Variants in ARHGEF4 observed in about 807,000 individuals in gnomAD.
ARHGEF4 encodes APC-stimulated guanine nucleotide exchange factor 1.
A neutral mutation model predicts 162.0 loss-of-function variants in ARHGEF4; 119 were observed. That is an observed-to-expected ratio of 0.73 (90% confidence interval 0.63 to 0.86). ARHGEF4 has a LOEUF of 0.86. Among genes scored for constraint, ARHGEF4 ranks in the 40% least tolerant of loss-of-function variants. ARHGEF4 has a pLI of 0.00. For synonymous variants in ARHGEF4, 1,014 were observed against 979.9 expected, an observed-to-expected ratio of 1.03 and a Z score of -0.65; for missense variants, 2,488 against 2,456.0, an observed-to-expected ratio of 1.01 and a Z score of -0.28.
rs1442106275 is a variant in ARHGEF4 at position 130,977,699 on chromosome 2, CGT to C, written c.3985+31067_3985+31068del. Among the ~76,000 whole-genome samples, 4 of 151,290 alleles carry C rather than the reference CGT, an allele frequency of 2.6e-5. No individual in the cohort carries two copies. The East Asian group carries it at 7.8e-4, about 29-fold the overall frequency. ...GTGTGCGCTGTGTGCATTGTGCAAA[CGT>C]GTTTTTTTTGCATCTTGTGCGTGTG... is the stretch of plus-strand genomic sequence containing the variant. On this transcript the variant is annotated intron_variant, in intron 4 of 13. Coordinates refer to ENST00000409359, the MANE Select transcript of ARHGEF4 (RefSeq NM_001367493.1).
rs56325092 is a variant in ARHGEF4, at chr2:130,917,452, G to C, written c.3506G>C (p.Arg1169Pro). ...AGCAGGGAAGGAGGCCAGGGTCCGC[G>C]CGGCTTGGGCACAGTGCCCTGGCTC... ...EESREGGQGP[R>P]GLGTVPWLRD... The change falls in exon 2 of 14, where the codon CGC (arginine) becomes CCC (proline). Residue 1169 changes from arginine to proline, a missense_variant. Coordinates refer to ENST00000409359, the MANE Select transcript of ARHGEF4 (RefSeq NM_001367493.1). 1 of 1,550,570 alleles carries C rather than the reference G, an allele frequency of 6.4e-7. No individual in the cohort carries two copies. The highest frequency in any genetic ancestry group is 8.7e-7 in the Non-Finnish European group (1 of 1,147,002).
intron 4 of ARHGEF4, among the ~76,000 whole-genome samples, chr2:130,965,278 C>T (rs961146203): frequency 6.6e-6 from 1 of 152,176 alleles, no homozygotes; most frequent in Non-Finnish European, 1.5e-5. Context: ...GTTGAGAGCA[C>T]CTGGAATGAC....
intron 1 of ARHGEF4, among the ~76,000 whole-genome samples, chr2:130,889,850 G>T (rs1034229555): frequency 6.6e-6 from 1 of 150,720 alleles, no homozygotes; most frequent in African/African-American, 2.4e-5. Flanking sequence ...CTATTGAACG[G>T]TATTTTCACT....
chr2:131,022,829 T>A (rs1689221315), intron 4 of ARHGEF4, among the ~76,000 whole-genome samples: 1 of 151,800 alleles, frequency 6.6e-6, no homozygotes, highest in South Asian at 2.1e-4. Flanking sequence ...AAATTGAACA[T>A]TATAACAATT....
At chr2:130,841,370 G>C (rs1334282298) in intron 1 of ARHGEF4, among the ~76,000 whole-genome samples, 3 of 142,120 alleles carry the variant, frequency 2.1e-5, no homozygotes, top group Admixed American at 7.1e-5. Context: ...GGCCTAGAAA[G>C]CTTTTTTTTT....
At chr2:130,892,426 C>A (rs1473640343) in intron 1 of ARHGEF4, among the ~76,000 whole-genome samples, 2 of 152,178 alleles carry the variant, frequency 1.3e-5, no homozygotes, top group Admixed American at 1.3e-4. Flanking sequence ...CACTTCAGAC[C>A]CAATCACAAG....
chr2:130,954,463 G>A (rs1272399323), intron 4 of ARHGEF4, among the ~76,000 whole-genome samples: 1 of 152,188 alleles, frequency 6.6e-6, no homozygotes, highest in African/African-American at 2.4e-5. Context: ...ATGAGTTAAT[G>A]GGTGCAGCAC....
Position 131,038,433 on chromosome 2 carries a change from C to G in ARHGEF4, c.4126-420C>G, listed in dbSNP as rs981530900. Among the ~76,000 whole-genome samples the G allele has an allele frequency of 4.0e-5, 6 of 150,718 alleles. No individual in the cohort carries two copies. The South Asian group carries it at 1.3e-3, about 32-fold the overall frequency. ...CTCTCCCTCCTGCAGCCTTGCAGCG[C>G]CCAGCCTCTCCCTCCTGCAGCCTTG... is the stretch of plus-strand genomic sequence containing the variant. On this transcript the variant is annotated intron_variant, in intron 5 of 13. Transcript: ENST00000409359.
At chr2:130,876,540 C>T (rs571802011) in intron 1 of ARHGEF4, among the ~76,000 whole-genome samples, 10 of 152,074 alleles carry the variant, frequency 6.6e-5, no homozygotes, top group Non-Finnish European at 1.5e-4. Context: ...TACAGGGGCC[C>T]GCCAACATAC....
intron 4 of ARHGEF4, among the ~76,000 whole-genome samples, chr2:130,958,879 G>A (rs917925598): frequency 1.3e-5 from 2 of 151,872 alleles, no homozygotes; most frequent in Admixed American, 1.3e-4. Context: ...GGTCATTTCA[G>A]TGAGAGTCTT....
chr2:131,044,616 G>A (rs534699857), intron 12 of ARHGEF4, 74 bp downstream of exon 12: 5 of 1,509,122 alleles, frequency 3.3e-6, no homozygotes, highest in African/African-American at 1.4e-5. Context: ...CCGCCTGCCG[G>A]TCAGGAGAGC....
chr2:130,938,911 G>T (rs1683120252), intron 3 of ARHGEF4, among the ~76,000 whole-genome samples: 1 of 151,954 alleles, frequency 6.6e-6, no homozygotes, highest in South Asian at 2.1e-4. Context: ...TTAATTTTTT[G>T]ACTTTCATTT....
At chr2:131,026,371 T>G (rs1337703137) in intron 4 of ARHGEF4, among the ~76,000 whole-genome samples, 1 of 152,182 alleles carries the variant, frequency 6.6e-6, no homozygotes, top group Non-Finnish European at 1.5e-5. Context: ...GATTGACAGA[T>G]TTGTCTATAT....
At chr2:130,881,356 CAAA>C (rs1212297257) in intron 1 of ARHGEF4, among the ~76,000 whole-genome samples, 1 of 152,134 alleles carries the variant, frequency 6.6e-6, no homozygotes, top group Non-Finnish European at 1.5e-5. Flanking sequence ...GAGCTTGAGA[CAAA>C]GAACTATCTG....
chr2:130,915,725 G>T lies in ARHGEF4; in HGVS notation c.1779G>T (p.Thr593=), dbSNP rs1380211372. ...GTCTTTCAGAATTCAAGGCAGCCAC[G>T]GTGTCTCACTGCGGCCCCGGGGCTG... ...LQGLSEFKAA[T]VSHCGPGAEE... The change falls in exon 2 of 14, where the codon ACG becomes ACT. Residue 593 remains threonine, a synonymous_variant. Transcript: ENST00000409359. The T allele has an allele frequency of 1.3e-6, 2 of 1,549,318 alleles. No individual in the cohort carries two copies. Among genetic ancestry groups the T allele is most frequent in the East Asian group, 2.4e-5 (1 of 40,886 alleles).
intron 1 of ARHGEF4, among the ~76,000 whole-genome samples, chr2:130,886,476 G>A (rs765323884): frequency 2.0e-5 from 3 of 151,644 alleles, no homozygotes; most frequent in Admixed American, 6.6e-5. Flanking sequence ...TCAGGAGATC[G>A]AGACTATCCT....
chr2:130,956,811 A>T (rs927871123), intron 4 of ARHGEF4, among the ~76,000 whole-genome samples: 9 of 102,258 alleles, frequency 8.8e-5, no homozygotes, highest in African/African-American at 3.5e-4. Flanking sequence ...CACTCAGGGG[A>T]CTGTCGTGGG....
At position 131,041,964 on chromosome 2, in the gene ARHGEF4, G is replaced by A; in HGVS notation, c.5025+20G>A. ...TGGGAGGTGAGGGCCTGGGGGCACA[G>A]AAAATTCCAGGAGGTCTTGGCCCCT... On this transcript the variant is annotated intron_variant, in intron 10 of 13. Transcript: ENST00000409359. The A allele has an allele frequency of 6.2e-7, 1 of 1,607,832 alleles. No individual in the cohort carries two copies. The highest frequency in any genetic ancestry group is 1.1e-5 in the South Asian group (1 of 90,584).
At chr2:131,026,270 A>G (rs1689470169) in intron 4 of ARHGEF4, among the ~76,000 whole-genome samples, 5 of 152,392 alleles carry the variant, frequency 3.3e-5, no homozygotes, top group South Asian at 4.1e-4. Context: ...GAAAAGTTAT[A>G]AAACATTAAA....
Sources: allele counts gnomAD v4.1 joint callset (sites outside exome capture counted in the v4.1 genomes callset), GRCh38; gene constraint gnomAD v4.1.1; transcripts MANE v1.5; gene names NCBI Gene and HGNC (gene_info 2026-07-23, HGNC 2026-07-21).